The following ANKRD26 variants were observed in gnomAD, a reference collection of about 807,000 sequenced individuals.
ANKRD26 encodes the protein ankyrin repeat domain 26, also known as ankyrin repeat domain-containing protein 26.
ANKRD26 carries 141 observed loss-of-function variants against 208.7 expected under a neutral mutation model. The observed-to-expected ratio is 0.68, with a 90% confidence interval of 0.59 to 0.78. The LOEUF (loss-of-function observed/expected upper bound fraction) is 0.78, where lower values mean the gene tolerates loss of function less well. Ranked by LOEUF, ANKRD26 falls within the 30% of genes least tolerant of loss-of-function variation. ANKRD26 has a pLI of 0.00. For missense variants in ANKRD26, 1,889 were observed against 1,938.7 expected (o/e 0.97, Z 0.48); for synonymous variants, 636 against 660.4 (o/e 0.96, Z 0.57).
chr10:27,079,205 AAAAAC>A (rs2055813663), intron 6 of ANKRD26, 44 bp from the exon 7 acceptor site: 1 of 1,539,546 alleles, frequency 6.5e-7, no homozygotes, highest in African/African-American at 1.4e-5. Context: ...TCATTTCTTT[AAAAAC>A]AAAACAAAAA....
chr10:26,959,152 A>G, the ANKRD26 span, among the ~76,000 whole-genome samples: 1 of 151,880 alleles, frequency 6.6e-6, no homozygotes, highest in Admixed American at 6.6e-5. Flanking sequence ...GGTGGCAGGC[A>G]CCTATAGTCC....
chr10:27,023,234 T>G lies in ANKRD26; in HGVS notation c.4086-547A>C, dbSNP rs4749216. 4.6e-5 allele frequency among the ~76,000 whole-genome samples: 7 copies of G among 151,618 alleles called. No individual in the cohort carries two copies. In the South Asian group the frequency reaches 1.5e-3, roughly 31 times the overall value. On this transcript the variant is annotated intron_variant, in intron 28 of 33. Transcript: ENST00000376087. ...ATCCCAGCTATTCAGGAGGCTGAGT[T>G]GGGAGGCGGAGCCAGGAGAATGGCT...
chr10:27,024,348 G>C, intron 28 of ANKRD26, 99 bp downstream of exon 28: 1 of 662,180 alleles, frequency 1.5e-6, no homozygotes, highest in Non-Finnish European at 2.6e-6. Flanking sequence ...TTAAGAAAAA[G>C]TAGATATTAA....
chr10:27,014,753 T>C (rs2053234458), intron 30 of ANKRD26, 42 bp from the exon 31 acceptor site: 3 of 1,530,584 alleles, frequency 2.0e-6, no homozygotes, highest in African/African-American at 2.7e-5. Flanking sequence ...ATATATAACC[T>C]GAGTAAGACC....
rs191507667 is a variant in ANKRD26 at position 27,058,946 on chromosome 10, G to A, written c.1564+1399C>T. ...TGTTTTTTTTTTCAGACGTTGTCTC[G>A]CTCTGTCACCCACACTGGAGTGCAG... On this transcript the variant is annotated intron_variant, in intron 15 of 33. Transcript: ENST00000376087. 2.3e-3 allele frequency among the ~76,000 whole-genome samples: 339 copies of A among 148,424 alleles called. 1 individual carries two copies. The highest frequency in any genetic ancestry group is 7.6e-3 in the African/African-American group (307 of 40,174).
rs558775005 is a variant in ANKRD26, at chr10:26,997,268, T to C, written c.563-2121A>G. On this transcript the variant is annotated intron_variant, in intron 4 of 5. Transcript: ENST00000445828. ...ATAGTTTTTCTAGATACACCCATGATGCTAATCCTTTCATTACTCTGAGAA... is the reference window on the plus strand; with the variant it reads ...ATAGTTTTTCTAGATACACCCATGACGCTAATCCTTTCATTACTCTGAGAA... 4.1e-4 allele frequency among the ~76,000 whole-genome samples: 62 copies of C among 152,324 alleles called. 2 individuals carry two copies. The South Asian group carries it at 0.012, about 30-fold the overall frequency.
At chr10:26,964,564 T>C in the ANKRD26 span, among the ~76,000 whole-genome samples, 1 of 152,146 alleles carries the variant, frequency 6.6e-6, no homozygotes, top group African/African-American at 2.4e-5. Flanking sequence ...AGAAATAGTG[T>C]TTGATTCATA....
At chr10:27,044,301 T>G (rs1422658885) in intron 18 of ANKRD26, 111 bp from the exon 19 acceptor site, 1 of 985,860 alleles carries the variant, frequency 1.0e-6, no homozygotes, top group Non-Finnish European at 1.4e-6. Flanking sequence ...TTATTTACCC[T>G]ATTCATAAAG....
chr10:27,022,628 A>C lies in ANKRD26; in HGVS notation c.4145T>G (p.Phe1382Cys), dbSNP rs78251061. 1 of 1,571,310 alleles carries C rather than the reference A, an allele frequency of 6.4e-7. No homozygotes were observed. Among genetic ancestry groups the C allele is most frequent in the Non-Finnish European group, 8.7e-7 (1 of 1,146,056 alleles). ...KKLNEYENGE[F>C]SFHGDLKTSQ... Reference sequence around the variant, plus strand: ...AGTTTTTAAATCTCCATGGAAACTAAATTCTCCATTTTCATATTCATTTAA... The same window carrying C: ...AGTTTTTAAATCTCCATGGAAACTACATTCTCCATTTTCATATTCATTTAA... The change falls in exon 29 of 34, where the codon TTT becomes TGT. Residue 1382 changes from phenylalanine (F) to cysteine (C), a missense_variant. Phe to Cys is a radical substitution (Grantham distance 205). Transcript: ENST00000376087.
chr10:27,086,769 T>TTTG (rs1491307866), intron 4 of ANKRD26, among the ~76,000 whole-genome samples, 160 bp from the exon 5 acceptor site: 7 of 8,866 alleles, frequency 7.9e-4, no homozygotes, highest in Admixed American at 7.6e-3. Flanking sequence ...AACTTTTTTG[T>TTTG]TTTTTTTTTT....
At chr10:26,997,295 T>C (rs936030177) in intron 4 of ANKRD26, among the ~76,000 whole-genome samples, 2 of 152,152 alleles carry the variant, frequency 1.3e-5, no homozygotes, top group African/African-American at 4.8e-5. Flanking sequence ...CTCTGAGAAA[T>C]GGGATTTCTA....
At chr10:27,074,607 G>A (rs1035017328) in intron 9 of ANKRD26, among the ~76,000 whole-genome samples, 2 of 152,128 alleles carry the variant, frequency 1.3e-5, no homozygotes, top group African/African-American at 2.4e-5. Flanking sequence ...CTTGAACCCA[G>A]GGGGTGGAGG....
intron 9 of ANKRD26, 136 bp from the exon 10 acceptor site, chr10:27,067,422 T>A: frequency 1.6e-6 from 1 of 616,382 alleles, no homozygotes; most frequent in East Asian, 4.7e-5. Flanking sequence ...GGGGGCATAG[T>A]TTTTTTTTTT....
chr10:27,090,780 T>C (rs539461975), intron 4 of ANKRD26, among the ~76,000 whole-genome samples: 1 of 152,278 alleles, frequency 6.6e-6, no homozygotes, highest in African/African-American at 2.4e-5. Context: ...ATAAGAGCTA[T>C]CTGCAGGCTT....
At chr10:27,064,844 A>G (rs2055183516) in intron 11 of ANKRD26, among the ~76,000 whole-genome samples, 1 of 152,066 alleles carries the variant, frequency 6.6e-6, no homozygotes, top group Non-Finnish European at 1.5e-5. Context: ...AAGTATAGCA[A>G]GCCTTCATAA....
rs778832604 is a variant in ANKRD26 at position 27,064,029 on chromosome 10, G to C, written c.1322C>G (p.Ala441Gly). 6.2e-7 allele frequency: 1 copy of C among 1,611,052 alleles called. No homozygotes were observed. Among genetic ancestry groups the C allele is most frequent in the Admixed American group, 1.7e-5 (1 of 59,950 alleles). ...QKYVDPLAGAADGKEKNIGNE... is the reference protein window; with the variant it reads ...QKYVDPLAGAGDGKEKNIGNE... ...TCCTATATTTTTTTCTTTTCCGTCT[G>C]CAGCCCCAGCTAAAGGATCAACATA... Residue 441 changes from alanine to glycine, a missense_variant, in exon 12 of 34, where the codon GCA becomes GGA. Around this residue, in one of 3 missense-constraint regions of ANKRD26, gnomAD observed 1,272 missense variants for 1,273.8 expected, o/e 1.00. Coordinates refer to ENST00000376087, the MANE Select transcript of ANKRD26 (RefSeq NM_014915.3).
the ANKRD26 span, among the ~76,000 whole-genome samples, chr10:26,952,992 T>C: frequency 6.6e-6 from 1 of 152,218 alleles, no homozygotes; most frequent in African/African-American, 2.4e-5. Context: ...AAGGCTGTTG[T>C]ATTGATGTCA....
At chr10:26,961,874 G>A in the ANKRD26 span, among the ~76,000 whole-genome samples, 7 of 146,744 alleles carry the variant, frequency 4.8e-5, no homozygotes, top group Non-Finnish European at 6.2e-5. Flanking sequence ...GAACTGGAAG[G>A]CCTATGTTCA....
chr10:27,076,512 G>C (rs978974635), intron 9 of ANKRD26, among the ~76,000 whole-genome samples: 1 of 152,030 alleles, frequency 6.6e-6, no homozygotes, highest in Non-Finnish European at 1.5e-5. Context: ...TGATCTGCCC[G>C]TCTAGGCCTC....
Sources: allele counts gnomAD v4.1 joint callset (sites outside exome capture counted in the v4.1 genomes callset), GRCh38; gene constraint gnomAD v4.1.1; regional missense constraint gnomAD v4.1.1; transcripts MANE v1.5; gene names NCBI Gene and HGNC (gene_info 2026-07-23, HGNC 2026-07-21).